MYLK4: variants seen among roughly 807,000 people sequenced by gnomAD.
The protein encoded by MYLK4 is caMLCK like.
Under a neutral mutation model 48.1 loss-of-function variants are expected in MYLK4, and 46 were observed. That is an observed-to-expected ratio of 0.96 (90% CI 0.75 to 1.22). MYLK4 has a LOEUF of 1.22. MYLK4 is among the 50% of genes most tolerant of loss of function. The pLI is 0.00. For missense variants in MYLK4, 451 were observed against 486.1 expected (o/e 0.93, Z 0.68); for synonymous variants, 170 against 180.8 (o/e 0.94, Z 0.48).
rs772720736 is a variant in MYLK4, at chr6:2,688,931, T to C, written c.261A>G (p.Pro87=). The change falls in exon 4 of 13, where the codon CCA becomes CCG. Residue 87 remains proline, a synonymous_variant. Coordinates refer to ENST00000274643, the MANE Select transcript of MYLK4 (RefSeq NM_001012418.5). ...TGGCTGTCACAATACGATGATCAAA[T>C]GGGGCCGGAGGAGCCGGGATGTCAA... ...LAVDIPAPPA[P]FDHRIVTAKQ... 1 of 1,614,184 alleles carries C rather than the reference T, an allele frequency of 6.2e-7. No homozygotes were observed. Among genetic ancestry groups the C allele is most frequent in the Non-Finnish European group, 8.5e-7 (1 of 1,180,022 alleles).
At chr6:2,693,580 C>T (rs1251372208) in intron 2 of MYLK4, among the ~76,000 whole-genome samples, 3 of 152,160 alleles carry the variant, frequency 2.0e-5, no homozygotes, top group Admixed American at 6.5e-5. Flanking sequence ...GCCCAATCCA[C>T]CCAAATTATC....
chr6:2,764,653 G>A, the MYLK4 span, among the ~76,000 whole-genome samples: 2 of 152,152 alleles, frequency 1.3e-5, no homozygotes, highest in Admixed American at 6.5e-5. Context: ...CGTCTAGGAC[G>A]TAATTGCACA....
At chr6:2,765,824 G>A in the MYLK4 span, 6 of 1,357,798 alleles carry the variant, frequency 4.4e-6, no homozygotes, top group African/African-American at 4.6e-5. Context: ...CTCGCCGCCC[G>A]GCGCCAAGAG....
chr6:2,669,401 C>T (rs1760792630), intron 12 of MYLK4, among the ~76,000 whole-genome samples: 1 of 152,214 alleles, frequency 6.6e-6, no homozygotes, highest in African/African-American at 2.4e-5. Flanking sequence ...AAGGACTCTA[C>T]CCCCTCCCAT....
the MYLK4 span, among the ~76,000 whole-genome samples, chr6:2,761,239 T>C: frequency 6.6e-6 from 1 of 151,678 alleles, no homozygotes; most frequent in Non-Finnish European, 1.5e-5. Context: ...CACTTAAAAG[T>C]AAACCACCGA....
rs1561844476 is a variant in MYLK4, at chr6:2,692,818, C to T, written c.201G>A (p.Met67Ile). The T allele has an allele frequency of 6.2e-7, 1 of 1,613,822 alleles. No individual in the cohort carries two copies. Among genetic ancestry groups the T allele is most frequent in the East Asian group, 2.2e-5 (1 of 44,892 alleles). ...CTGATGTCCTTTTGCTTTTGACGGGCATCCTTTCCGTCAGGTCGGCGTTTG... is the reference window on the plus strand; with the variant it reads ...CTGATGTCCTTTTGCTTTTGACGGGTATCCTTTCCGTCAGGTCGGCGTTTG... ...VWSNADLTER[M>I]PVKSKRTSAL... The change falls in exon 3 of 13, where the codon ATG becomes ATA. Residue 67 changes from methionine to isoleucine, a missense_variant. Transcript: ENST00000274643.
chr6:2,743,846 GA>G (rs1363284363), intron 2 of MYLK4: 2 of 398,216 alleles, frequency 5.0e-6, no homozygotes, highest in Admixed American at 4.4e-5. Flanking sequence ...TCCCAGGTTG[GA>G]AACATTCGAA....
At chr6:2,737,342 T>C (rs953672727) in intron 2 of MYLK4, among the ~76,000 whole-genome samples, 1 of 152,150 alleles carries the variant, frequency 6.6e-6, no homozygotes. Flanking sequence ...AATAAAACGA[T>C]CCTACCATTA....
chr6:2,738,533 G>A (rs1763781404), intron 2 of MYLK4, among the ~76,000 whole-genome samples: 2 of 152,202 alleles, frequency 1.3e-5, no homozygotes, highest in Non-Finnish European at 2.9e-5. Flanking sequence ...TAAAATGCTG[G>A]GACTTCACTG....
chr6:2,721,154 C>T (rs1171761740), intron 2 of MYLK4, among the ~76,000 whole-genome samples: 3 of 152,164 alleles, frequency 2.0e-5, no homozygotes, highest in Non-Finnish European at 4.4e-5. Context: ...GAGCAAGACT[C>T]TGTCTCAAAA....
chr6:2,749,704 G>A (rs2113384073), intron 1 of MYLK4, among the ~76,000 whole-genome samples: 1 of 152,302 alleles, frequency 6.6e-6, no homozygotes, highest in East Asian at 1.9e-4. Context: ...TGGCCAGCTT[G>A]GATGTAAATT....
chr6:2,713,384 A>G (rs548413486), intron 2 of MYLK4, among the ~76,000 whole-genome samples: 27 of 44,678 alleles, frequency 6.0e-4, no homozygotes, highest in South Asian at 1.3e-3. Flanking sequence ...CAAAAAAAAA[A>G]AAAGAAAAAA....
intron 2 of MYLK4, among the ~76,000 whole-genome samples, chr6:2,706,760 C>A (rs757364010): frequency 4.6e-5 from 7 of 152,236 alleles, no homozygotes; most frequent in Non-Finnish European, 7.3e-5. Context: ...GCAATGCAGA[C>A]TGGCTCTTCC....
At chr6:2,723,881 TA>T (rs1407788359) in intron 2 of MYLK4, among the ~76,000 whole-genome samples, 2 of 152,124 alleles carry the variant, frequency 1.3e-5, no homozygotes, top group African/African-American at 4.8e-5. Context: ...TATTTTATTT[TA>T]TTTTTTATTT....
At chr6:2,676,083 TTC>T (rs1441623371) in intron 10 of MYLK4, among the ~76,000 whole-genome samples, 1 of 120,622 alleles carries the variant, frequency 8.3e-6, no homozygotes, top group Admixed American at 8.8e-5. Context: ...CAGTGTGAGA[TTC>T]TGTCTCAAAA....
chr6:2,767,655 C>T, the MYLK4 span, among the ~76,000 whole-genome samples: 1 of 152,220 alleles, frequency 6.6e-6, no homozygotes, highest in African/African-American at 2.4e-5. Flanking sequence ...CAGTATCATT[C>T]TTAGTAATTG....
chr6:2,746,896 C>T (rs978971803), intron 2 of MYLK4, among the ~76,000 whole-genome samples: 1 of 152,250 alleles, frequency 6.6e-6, no homozygotes, highest in Non-Finnish European at 1.5e-5. Flanking sequence ...CGCTGCCAAG[C>T]CTGCTGGCTG....
chr6:2,683,118 T>C lies in MYLK4; in HGVS notation c.590A>G (p.Tyr197Cys), dbSNP rs767744025. The C allele has an allele frequency of 9.3e-6, 15 of 1,614,024 alleles. No individual in the cohort carries two copies. The highest frequency in any genetic ancestry group is 1.7e-5 in the Admixed American group (1 of 59,988). The change falls in exon 7 of 13, where the codon TAC becomes TGC. Residue 197 changes from tyrosine to cysteine, a missense_variant. Coordinates refer to ENST00000274643, the MANE Select transcript of MYLK4 (RefSeq NM_001012418.5). ...ELFDRIIDES[Y>C]NLTELDTILF... ...GATGGTATCAAGCTCCGTCAAATTG[T>C]AGCTCTCATCGATGATGCGGTCAAA...
In MYLK4 at chr6:2,679,210, T is replaced by C. The variant is rs939710775; in HGVS notation, c.887+70A>G. The C allele has an allele frequency of 6.9e-5, 109 of 1,584,362 alleles. 1 individual carries two copies. In the South Asian group the frequency reaches 1.1e-3, roughly 16 times the overall value. On this transcript the variant is annotated intron_variant, in intron 9 of 12. Coordinates refer to ENST00000274643, the MANE Select transcript of MYLK4 (RefSeq NM_001012418.5). Reference sequence around the variant, plus strand: ...AAATACCCCAATTGGGGCTTTTATTTAAAACGGCAAAACCTCAGAAAATAT... The same window carrying C: ...AAATACCCCAATTGGGGCTTTTATTCAAAACGGCAAAACCTCAGAAAATAT...
Sources: allele counts gnomAD v4.1 joint callset (sites outside exome capture counted in the v4.1 genomes callset), GRCh38; gene constraint gnomAD v4.1.1; transcripts MANE v1.5; gene names NCBI Gene and HGNC (gene_info 2026-07-23, HGNC 2026-07-21).